Variants in SULT1E1 observed in about 807,000 individuals in gnomAD.
The protein encoded by SULT1E1 is sulfotransferase 1E1.
A neutral mutation model predicts 33.6 loss-of-function variants in SULT1E1; 36 were observed. That is an observed-to-expected ratio of 1.07 (90% CI 0.82 to 1.41). The LOEUF (loss-of-function observed/expected upper bound fraction) is 1.41. Ranked by LOEUF, SULT1E1 falls within the 40% of genes most tolerant of loss-of-function variation. The pLI is 0.00. For missense variants in SULT1E1, 371 were observed against 345.7 expected, an observed-to-expected ratio of 1.07 and a Z score of -0.58; for synonymous variants, 121 against 111.7, an observed-to-expected ratio of 1.08 and a Z score of -0.53.
chr4:69,855,755 A>G (rs763847123), intron 2 of SULT1E1, among the ~76,000 whole-genome samples: 9 of 152,318 alleles, frequency 5.9e-5, no homozygotes, highest in Middle Eastern at 3.4e-3. Flanking sequence ...TTGAATAAGC[A>G]TGCTTCCAAT....
downstream of SULT1E1, among the ~76,000 whole-genome samples, chr4:69,836,629 A>G (rs1330379013): frequency 2.0e-5 from 3 of 152,240 alleles, no homozygotes; most frequent in Non-Finnish European, 4.4e-5. Flanking sequence ...CTGAGAGCAC[A>G]AACAACTCTG....
At position 69,855,366 on chromosome 4, in the gene SULT1E1, C is replaced by T; in HGVS notation, c.206G>A (p.Cys69Tyr). ...MIYKEGDVEK[C>Y]KEDVIFNRIP... ...TCGATTAAAAATTACATCTTCTTTG[C>T]ACTTTTCCACATCACCCTCTTTATA... Residue 69 changes from cysteine to tyrosine, a missense_variant, in exon 3 of 8, where the codon TGC becomes TAC. Transcript: ENST00000226444. The T allele has an allele frequency of 6.2e-7, 1 of 1,613,156 alleles. No homozygotes were observed. Among genetic ancestry groups the T allele is most frequent in the Non-Finnish European group, 8.5e-7 (1 of 1,179,502 alleles).
the SULT1E1 span, among the ~76,000 whole-genome samples, chr4:69,830,486 T>C: frequency 6.6e-6 from 1 of 152,350 alleles, no homozygotes; most frequent in Admixed American, 6.5e-5. Flanking sequence ...TGGTCTTTCA[T>C]CTGCTCCTTG....
At chr4:69,837,580 T>C (rs1477725529), downstream of SULT1E1, among the ~76,000 whole-genome samples, 1 of 152,150 alleles carries the variant, frequency 6.6e-6, no homozygotes, top group Non-Finnish European at 1.5e-5. Context: ...ATTGATAAAC[T>C]TGAAAATTTA....
At chr4:69,822,895 G>T in the SULT1E1 span, among the ~76,000 whole-genome samples, 1 of 152,286 alleles carries the variant, frequency 6.6e-6, no homozygotes, top group East Asian at 1.9e-4. Flanking sequence ...AAATGGTCCT[G>T]CAAAATTAAT....
the SULT1E1 span, among the ~76,000 whole-genome samples, chr4:69,831,901 G>C: frequency 6.6e-6 from 1 of 152,128 alleles, no homozygotes; most frequent in South Asian, 2.1e-4. Flanking sequence ...TCCTGCGTTA[G>C]TCCCTCCCAG....
the SULT1E1 span, among the ~76,000 whole-genome samples, chr4:69,835,573 C>T: frequency 4.6e-5 from 7 of 152,008 alleles, no homozygotes; most frequent in East Asian, 9.6e-4. Context: ...TAATAATAAA[C>T]AGGAATAGTG....
At chr4:69,856,180 C>T (rs565076714) in intron 2 of SULT1E1, among the ~76,000 whole-genome samples, 5 of 152,136 alleles carry the variant, frequency 3.3e-5, no homozygotes, top group South Asian at 2.1e-4. Context: ...TATAGTGGTT[C>T]GGAAAATAAT....
At chr4:69,846,399 T>A (rs1244172437) in intron 6 of SULT1E1, among the ~76,000 whole-genome samples, 2 of 150,914 alleles carry the variant, frequency 1.3e-5, no homozygotes, top group Non-Finnish European at 3.0e-5. Flanking sequence ...TAGGTATGAA[T>A]CTCTAGACAA....
intron 7 of SULT1E1, among the ~76,000 whole-genome samples, chr4:69,842,772 C>T (rs1185824483): frequency 2.0e-5 from 3 of 151,864 alleles, no homozygotes; most frequent in East Asian, 3.9e-4. Context: ...GTCCAGCAGG[C>T]TTTTCCTGTT....
chr4:69,825,590 A>G, the SULT1E1 span, among the ~76,000 whole-genome samples: 2 of 152,116 alleles, frequency 1.3e-5, no homozygotes, highest in Non-Finnish European at 2.9e-5. Flanking sequence ...GTGTTCTCTA[A>G]CAATCCCCGA....
chr4:69,854,282 T>C lies in SULT1E1; in HGVS notation c.304A>G (p.Arg102Gly), dbSNP rs1578106137. The C allele has an allele frequency of 1.2e-6, 2 of 1,611,876 alleles. No homozygotes were observed. Among genetic ancestry groups the C allele is most frequent in the East Asian group, 2.2e-5 (1 of 44,754 alleles). Residue 102 changes from arginine to glycine, a missense_variant, in exon 4 of 8, where the codon AGA becomes GGA. Coordinates refer to ENST00000226444, the MANE Select transcript of SULT1E1 (RefSeq NM_005420.3). The stretch of plus-strand genomic sequence containing the variant: ...GGTGGCAAATGAGTCTTCACAATTC[T>C]AGGAGAATTCATCTCATCTAATTGT... ...VKQLDEMNSP[R>G]IVKTHLPPEL...
the SULT1E1 span, among the ~76,000 whole-genome samples, chr4:69,824,988 A>G: frequency 2.0e-5 from 3 of 152,198 alleles, no homozygotes; most frequent in Non-Finnish European, 4.4e-5. Flanking sequence ...TAAGAGCTGT[A>G]ATATTCACTG....
intron 6 of SULT1E1, 24 bp from the exon 7 acceptor site, chr4:69,844,365 A>T (rs1226069717): frequency 6.4e-7 from 1 of 1,565,434 alleles, no homozygotes; most frequent in East Asian, 2.3e-5. Flanking sequence ...ATGTTTTGAG[A>T]ACTAAATTGC....
At chr4:69,843,644 A>G in intron 7 of SULT1E1, among the ~76,000 whole-genome samples, 1 of 152,124 alleles carries the variant, frequency 6.6e-6, no homozygotes, top group Non-Finnish European at 1.5e-5. Flanking sequence ...CTCCCCCCAA[A>G]TAGAATTTTT....
At chr4:69,852,346 A>G (rs1182079883) in intron 4 of SULT1E1, among the ~76,000 whole-genome samples, 1 of 152,098 alleles carries the variant, frequency 6.6e-6, no homozygotes, top group Non-Finnish European at 1.5e-5. Flanking sequence ...GTAGTCATTG[A>G]TCATTACTTC....
the SULT1E1 span, among the ~76,000 whole-genome samples, chr4:69,832,359 G>T: frequency 1.3e-5 from 2 of 152,194 alleles, no homozygotes; most frequent in South Asian, 2.1e-4. Context: ...CTCCCTCCTG[G>T]CTGGCGCACC....
the SULT1E1 span, among the ~76,000 whole-genome samples, chr4:69,821,613 C>G: frequency 1.3e-5 from 2 of 152,278 alleles, no homozygotes; most frequent in South Asian, 4.1e-4. Flanking sequence ...CTAGATCATT[C>G]CATCCTGACA....
chr4:69,857,087 C>T (rs143931414), intron 2 of SULT1E1, among the ~76,000 whole-genome samples: 153 of 151,962 alleles, frequency 1.0e-3, no homozygotes, highest in African/African-American at 3.5e-3. Flanking sequence ...AACTCCAGAA[C>T]TATGCTTAAA....
Sources: allele counts gnomAD v4.1 joint callset (sites outside exome capture counted in the v4.1 genomes callset), GRCh38; gene constraint gnomAD v4.1.1; transcripts MANE v1.5; gene names NCBI Gene and HGNC (gene_info 2026-07-23, HGNC 2026-07-21).